UBR2: variants seen among roughly 807,000 people sequenced by gnomAD.
UBR2 encodes the protein E3 ubiquitin-protein ligase UBR2.
Under a neutral mutation model 247.9 loss-of-function variants are expected in UBR2, and 92 were observed. The observed-to-expected ratio is 0.37, with a 90% CI of 0.31 to 0.44. The LOEUF (loss-of-function observed/expected upper bound fraction) is 0.44, where lower values mean the gene tolerates loss of function less well. UBR2 is among the 20% of genes least tolerant of loss of function. The pLI is 1.00. For missense variants in UBR2, 1,613 were observed against 2,112.6 expected, an observed-to-expected ratio of 0.76 and a Z score of 4.64; for synonymous variants, 672 against 693.5, an observed-to-expected ratio of 0.97 and a Z score of 0.49.
In UBR2 at chr6:42,593,793, A is replaced by C. The variant is rs150053035; in HGVS notation, c.418-398A>C. On this transcript the variant is annotated intron_variant, in intron 3 of 46. Coordinates refer to ENST00000372901, the MANE Select transcript of UBR2 (RefSeq NM_001363705.2). ...TCCAAAGCAAATGCAGCACCCTTAG[A>C]CTCTAGGAGACAGCAACTAGAGGAA... Among the ~76,000 whole-genome samples, 453 of 152,182 alleles carry C rather than the reference A, an allele frequency of 3.0e-3. 3 individuals are homozygous for C. Among genetic ancestry groups the C allele is most frequent in the African/African-American group, 0.01 (432 of 41,520 alleles).
chr6:42,645,501 G>T lies in UBR2; in HGVS notation c.2320G>T (p.Ala774Ser). Residue 774 changes from alanine to serine, a missense_variant, in exon 21 of 47, where the codon GCT becomes TCT. Coordinates refer to ENST00000372901, the MANE Select transcript of UBR2 (RefSeq NM_001363705.2). ...TAGTCCTGGAGTTGGACAGGTAAAT[G>T]CTACAGATGAAATCAAGCGAGAGAT... is the stretch of plus-strand genomic sequence containing the variant. ...RFSPGVGQVN[A>S]TDEIKREIIH... is the part of the protein sequence containing the mutation. 1 of 1,613,908 alleles carries T rather than the reference G, an allele frequency of 6.2e-7. No individual in the cohort carries two copies. Among genetic ancestry groups the T allele is most frequent in the Non-Finnish European group, 8.5e-7 (1 of 1,179,844 alleles).
At chr6:42,686,513 T>G (rs956320560) in intron 44 of UBR2, among the ~76,000 whole-genome samples, 7 of 152,116 alleles carry the variant, frequency 4.6e-5, no homozygotes, top group Non-Finnish European at 8.8e-5. Flanking sequence ...TGATCTCTCT[T>G]TCTTTTCCCC....
At chr6:42,665,556 G>T in intron 33 of UBR2, 44 bp downstream of exon 33, 1 of 1,416,076 alleles carries the variant, frequency 7.1e-7, no homozygotes, top group South Asian at 1.3e-5. Context: ...AAAGTCCGAG[G>T]TCATCAGAAA....
Position 42,659,557 on chromosome 6 carries a change from ACACACT to A in UBR2, c.3243-98_3243-93del, listed in dbSNP as rs763252544. The A allele has an allele frequency of 2.4e-4, 181 of 763,138 alleles. No homozygotes were observed. The highest frequency in any genetic ancestry group is 3.3e-4 in the Non-Finnish European group (159 of 479,028). The allele number at this position is 763,138 out of a possible 1,614,324, so 47.3% of individuals were successfully genotyped here. A position where few individuals can be genotyped will look rare whatever the true frequency, so the allele number is the denominator to read the frequency against. On this transcript the variant is annotated intron_variant, in intron 29 of 46. Coordinates refer to ENST00000372901, the MANE Select transcript of UBR2 (RefSeq NM_001363705.2). The surrounding 1 kb of genome is among the most constrained non-coding windows in gnomAD (Gnocchi z 4.3). ...CACACACACACACACACACACACAC[ACACACT>A]ACACACACACACACATACCTGTAGT... is the stretch of plus-strand genomic sequence containing the variant.
chr6:42,635,886 T>C (rs1008469751), intron 14 of UBR2, among the ~76,000 whole-genome samples: 7 of 152,228 alleles, frequency 4.6e-5, no homozygotes, highest in Admixed American at 2.6e-4. Flanking sequence ...ACATTTGTCC[T>C]GTGTCTTAAA....
At chr6:42,567,686 G>A (rs1480187973) in intron 1 of UBR2, among the ~76,000 whole-genome samples, 1 of 152,040 alleles carries the variant, frequency 6.6e-6, no homozygotes, top group Non-Finnish European at 1.5e-5. Flanking sequence ...CCGAGATCGC[G>A]CCACTGCACT....
At chr6:42,567,618 A>G (rs1790862017) in intron 1 of UBR2, among the ~76,000 whole-genome samples, 1 of 152,186 alleles carries the variant, frequency 6.6e-6, no homozygotes, top group South Asian at 2.1e-4. Flanking sequence ...AATCCCAGCT[A>G]TTCGGGAGGC....
At chr6:42,612,053 AT>A in intron 7 of UBR2, 117 bp from the exon 8 acceptor site, 1 of 915,344 alleles carries the variant, frequency 1.1e-6, no homozygotes. Context: ...TCTTACATCC[AT>A]GAAAAAGTCT....
chr6:42,676,893 A>G lies in UBR2; in HGVS notation c.4478+20A>G, dbSNP rs1470241604. The G allele has an allele frequency of 1.3e-6, 2 of 1,569,534 alleles. No individual in the cohort carries two copies. The highest frequency in any genetic ancestry group is 2.2e-5 in the East Asian group (1 of 44,644). On this transcript the variant is annotated intron_variant, in intron 40 of 46. Transcript: ENST00000372901. ...GGGAAGGTGAGTTAGTTATCTTTAC[A>G]TAACGCATTTCCCTAAATATTGCTA...
chr6:42,602,752 C>CTGTGTGTG (rs1200686500), intron 4 of UBR2, among the ~76,000 whole-genome samples: 4 of 122,498 alleles, frequency 3.3e-5, no homozygotes, highest in African/African-American at 1.3e-4. Flanking sequence ...TATTTTTATG[C>CTGTGTGTG]TGTGTGTGCG....
At position 42,564,350 on chromosome 6, in the gene UBR2, G is replaced by A. The variant is rs747496721; in HGVS notation, c.31G>A (p.Ala11Thr). Residue 11 changes from alanine (A) to threonine (T), a missense_variant, in exon 1 of 47, where the codon GCC (alanine) becomes ACC (threonine). Transcript: ENST00000372901. MASELEPEVQ[A>T]IDRSLLECSA... Reference sequence around the variant, plus strand: ...GTCGGAGCTAGAGCCAGAGGTGCAGGCCATCGACCGGAGCTTGCTGGAATG... The same window carrying A: ...GTCGGAGCTAGAGCCAGAGGTGCAGACCATCGACCGGAGCTTGCTGGAATG... 2 of 1,612,460 alleles carry A rather than the reference G, an allele frequency of 1.2e-6. No homozygotes were observed. Among genetic ancestry groups the A allele is most frequent in the Admixed American group, 3.3e-5 (2 of 59,760 alleles).
chr6:42,572,773 G>GA (rs1216438072), intron 1 of UBR2, among the ~76,000 whole-genome samples: 1 of 150,036 alleles, frequency 6.7e-6, no homozygotes, highest in Non-Finnish European at 1.5e-5. Context: ...GCTGGATCTT[G>GA]GCTCACTACA....
chr6:42,615,258 A>C, intron 9 of UBR2, 80 bp downstream of exon 9: 1 of 1,090,976 alleles, frequency 9.2e-7, no homozygotes, highest in Non-Finnish European at 1.3e-6. Flanking sequence ...TCATTTGGGA[A>C]GATATTTAAT....
chr6:42,584,379 CTA>C (rs1473788167), intron 2 of UBR2, among the ~76,000 whole-genome samples: 26 of 152,308 alleles, frequency 1.7e-4, no homozygotes, highest in African/African-American at 6.3e-4. Flanking sequence ...TCATTCATTG[CTA>C]TGTCTATTCT....
At position 42,652,053 on chromosome 6, in the gene UBR2, CAAA is replaced by C. The variant is rs779453004; in HGVS notation, c.2598_2600del (p.Gln866_Asn867delinsHis). The C allele has an allele frequency of 3.8e-6, 6 of 1,589,452 alleles. No individual in the cohort carries two copies. ...AGAAGCGCAACGGAAATTGAAAAGA[CAAA>C]ATAGAGAAGATACAGGTATTTTTAA... is the stretch of plus-strand genomic sequence containing the variant. On this transcript the variant is annotated inframe_deletion, in exon 24 of 47. Transcript: ENST00000372901.
At chr6:42,610,336 TATATATGCA>T (rs1793989000) in intron 7 of UBR2, among the ~76,000 whole-genome samples, 2 of 152,276 alleles carry the variant, frequency 1.3e-5, no homozygotes, top group East Asian at 3.9e-4. Flanking sequence ...TGCTTCTAGG[TATATATGCA>T]AAATAATTGA....
At position 42,659,538 on chromosome 6, in the gene UBR2, CACACA is replaced by C; in HGVS notation, c.3243-117_3243-113del. 1.5e-6 allele frequency: 1 copy of C among 666,354 alleles called. No individual in the cohort carries two copies. The highest frequency in any genetic ancestry group is 2.5e-6 in the Non-Finnish European group (1 of 399,716). The allele number at this position is 666,354 out of a possible 1,614,324, so 41.3% of individuals were successfully genotyped here. ...ATATATATACACACACACACACACA[CACACA>C]CACACACACACACACACACTACACA... is the stretch of plus-strand genomic sequence containing the variant. On this transcript the variant is annotated intron_variant, in intron 29 of 46. Coordinates refer to ENST00000372901, the MANE Select transcript of UBR2 (RefSeq NM_001363705.2). The surrounding 1 kb of genome is among the most constrained non-coding windows in gnomAD (Gnocchi z 4.3).
chr6:42,622,149 G>C (rs1795029437), intron 11 of UBR2, among the ~76,000 whole-genome samples: 1 of 151,970 alleles, frequency 6.6e-6, no homozygotes, highest in Non-Finnish European at 1.5e-5. Flanking sequence ...CCGAGTAGCT[G>C]GGATTACAGA....
chr6:42,649,010 C>A (rs963341088), intron 22 of UBR2, among the ~76,000 whole-genome samples: 3 of 152,034 alleles, frequency 2.0e-5, no homozygotes, highest in African/African-American at 7.2e-5. Context: ...TACATATAGG[C>A]ATACTTCATC....
Sources: allele counts gnomAD v4.1 joint callset (sites outside exome capture counted in the v4.1 genomes callset), GRCh38; gene constraint gnomAD v4.1.1; non-coding constraint Gnocchi (gnomAD v3.1); transcripts MANE v1.5; gene names NCBI Gene and HGNC (gene_info 2026-07-23, HGNC 2026-07-21).